FAM107A: variants seen among roughly 807,000 people sequenced by gnomAD.
The protein encoded by FAM107A is actin-associated protein FAM107A.
Under a neutral mutation model 13.7 loss-of-function variants are expected in FAM107A, and 19 were observed. The ratio of observed to expected loss-of-function variants is 1.38; its 90% CI spans 0.97 to 2.03. The LOEUF (loss-of-function observed/expected upper bound fraction) is 2.03, where lower values mean the gene tolerates loss of function less well. Among genes scored for constraint, FAM107A ranks in the 30% most tolerant of loss-of-function variants. The pLI, the probability that FAM107A is intolerant of heterozygous loss-of-function variation, is 0.00. For missense variants in FAM107A, 203 were observed against 184.4 expected, an observed-to-expected ratio of 1.10 and a Z score of -0.58; for synonymous variants, 82 against 74.5, an observed-to-expected ratio of 1.10 and a Z score of -0.52.
upstream of FAM107A, among the ~76,000 whole-genome samples, chr3:58,590,886 G>T (rs1439010438): frequency 1.3e-5 from 2 of 152,188 alleles, no homozygotes; most frequent in South Asian, 4.1e-4. Context: ...AGCTTTTAAA[G>T]CGTAACTCAG....
In FAM107A at chr3:58,566,379, G is replaced by C. The variant is rs940464331; in HGVS notation, c.*209C>G. On this transcript the variant is annotated 3_prime_UTR_variant, in exon 4 of 4. Transcript: ENST00000360997. The stretch of plus-strand genomic sequence containing the variant: ...GCAGGTTATCCCTCTTGGAGCAGGA[G>C]GGCTGGGTGCTTGGAAGGAAAACCT... The C allele has an allele frequency of 1.8e-5, 10 of 562,706 alleles. No homozygotes were observed. The highest frequency in any genetic ancestry group is 4.6e-4 in the Middle Eastern group (1 of 2,170). 34.9% of individuals were successfully genotyped at this position (562,706 alleles called of 1,614,324 possible).
At chr3:58,616,099 A>G (rs1431251177) in intron 1 of FAM107A, among the ~76,000 whole-genome samples, 1 of 152,068 alleles carries the variant, frequency 6.6e-6, no homozygotes, top group East Asian at 1.9e-4. Flanking sequence ...ACGATCAGCC[A>G]GGGCCTGTGG....
chr3:58,566,643 A>C lies in FAM107A; in HGVS notation c.380T>G (p.Val127Gly). ...GGCAATTCTCCGCAGGTTTTCCCTG[A>C]CTTTAATAAACTCGGGGGCGTGATC... Reference protein sequence around the residue: ...EEDHAPEFIKVRENLRRIATL... With the variant: ...EEDHAPEFIKGRENLRRIATL... Residue 127 changes from valine to glycine, a missense_variant, in exon 4 of 4, where the codon GTC (valine) becomes GGC (glycine). By Grantham distance (109) the Val-to-Gly change is moderately radical (BLOSUM62 -3). Transcript: ENST00000360997. 6.2e-7 allele frequency: 1 copy of C among 1,614,026 alleles called. No homozygotes were observed. The highest frequency in any genetic ancestry group is 8.5e-7 in the Non-Finnish European group (1 of 1,179,982).
chr3:58,599,245 A>G (rs1021044910), intron 1 of FAM107A, among the ~76,000 whole-genome samples: 7 of 152,062 alleles, frequency 4.6e-5, no homozygotes, highest in African/African-American at 7.3e-5. Context: ...CCTAGCCTCA[A>G]TTTTTCACTA....
In FAM107A at chr3:58,566,352, G is replaced by T. The variant is rs2063620812; in HGVS notation, c.*236C>A. The T allele has an allele frequency of 3.9e-6, 2 of 510,014 alleles. No individual in the cohort carries two copies. Among genetic ancestry groups the T allele is most frequent in the East Asian group, 3.1e-5 (1 of 31,962 alleles). The allele number at this position is 510,014 out of a possible 1,614,324, so 31.6% of individuals were successfully genotyped here. ...GGCTCTGAACCCCTTGCAGGGAGGG[G>T]TGCAGGTTATCCCTCTTGGAGCAGG... On this transcript the variant is annotated 3_prime_UTR_variant, in exon 4 of 4. Transcript: ENST00000360997.
upstream of FAM107A, among the ~76,000 whole-genome samples, chr3:58,580,744 T>C (rs1302458940): frequency 6.6e-6 from 1 of 152,086 alleles, no homozygotes; most frequent in Non-Finnish European, 1.5e-5. Flanking sequence ...TGGGGGCTCA[T>C]TTATATTAAA....
At chr3:58,602,129 G>A (rs557625122) in intron 1 of FAM107A, among the ~76,000 whole-genome samples, 3 of 152,288 alleles carry the variant, frequency 2.0e-5, no homozygotes, top group African/African-American at 7.2e-5. Flanking sequence ...GGGGAAGAGA[G>A]AAGACACCCA....
chr3:58,623,435 G>T (rs2065977922), intron 1 of FAM107A, among the ~76,000 whole-genome samples: 1 of 152,202 alleles, frequency 6.6e-6, no homozygotes, highest in South Asian at 2.1e-4. Flanking sequence ...CCCTGCAGAA[G>T]CTCCACCTGC....
At position 58,569,936 on chromosome 3, in the gene FAM107A, G is replaced by T; in HGVS notation, c.-5-71C>A. 1 of 1,472,774 alleles carries T rather than the reference G, an allele frequency of 6.8e-7. No individual in the cohort carries two copies. The highest frequency in any genetic ancestry group is 9.2e-7 in the Non-Finnish European group (1 of 1,091,858). The allele number at this position is 1,472,774 out of a possible 1,614,324, so 91.2% of individuals were successfully genotyped here. A position where few individuals can be genotyped will look rare whatever the true frequency, so the allele number is the denominator to read the frequency against. ...TCACCCTGCCCCATGGGACACAGTT[G>T]AAGGGCAAGGTTTTCATGTCAGATG... On this transcript the variant is annotated intron_variant, in intron 1 of 3. Transcript: ENST00000360997. The surrounding 1 kb of genome is among the most constrained non-coding windows in gnomAD (Gnocchi z 5.7).
intron 1 of FAM107A, chr3:58,627,096 G>A (rs1380166395): frequency 3.4e-6 from 4 of 1,171,026 alleles, no homozygotes; most frequent in Non-Finnish European, 4.9e-6. Flanking sequence ...GGCTCCCGGG[G>A]CGAGGGCCCC....
At chr3:58,603,881 G>A (rs561158627) in intron 1 of FAM107A, among the ~76,000 whole-genome samples, 1 of 152,346 alleles carries the variant, frequency 6.6e-6, no homozygotes, top group African/African-American at 2.4e-5. Flanking sequence ...GGGGCTCACA[G>A]AGGTTAAGTA....
At chr3:58,585,367 T>A (rs2065594241) in intron 1 of FAM107A, among the ~76,000 whole-genome samples, 1 of 152,244 alleles carries the variant, frequency 6.6e-6, no homozygotes, top group South Asian at 2.1e-4. Context: ...CTGTCCCGCC[T>A]CAGCAAGATT....
chr3:58,594,777 A>G (rs2065684381), intron 1 of FAM107A, among the ~76,000 whole-genome samples: 2 of 152,222 alleles, frequency 1.3e-5, no homozygotes. Context: ...ATATTTTCAA[A>G]TGAAGAGTGT....
chr3:58,603,563 G>T (rs1453153592), intron 1 of FAM107A, among the ~76,000 whole-genome samples: 2 of 152,132 alleles, frequency 1.3e-5, no homozygotes, highest in African/African-American at 2.4e-5. Flanking sequence ...AGCCTCAGGG[G>T]GATGCCGTGG....
In FAM107A at chr3:58,617,090, ATCGT is replaced by A. The variant is rs534925146; in HGVS notation, c.-70+10322_-70+10325del. On this transcript the variant is annotated intron_variant, in intron 1 of 3. Transcript: ENST00000465970. The surrounding 1 kb of genome is among the most constrained non-coding windows in gnomAD (Gnocchi z 4.5). ...CCTGGCCTCGGCTACCCAGTTTCTG[ATCGT>A]TTGTTATGGCCGCCCCAGGAAACTC... Among the ~76,000 whole-genome samples, 158 of 152,132 alleles carry A rather than the reference ATCGT, an allele frequency of 1.0e-3. 1 individual carries two copies. The highest frequency in any genetic ancestry group is 3.4e-3 in the Middle Eastern group (1 of 294).
At position 58,613,325 on chromosome 3, in the gene FAM107A, T is replaced by C. The variant is rs1432174979; in HGVS notation, c.-70+14091A>G. Among the ~76,000 whole-genome samples the C allele has an allele frequency of 3.3e-5, 5 of 152,110 alleles. No individual in the cohort carries two copies. Among genetic ancestry groups the C allele is most frequent in the Non-Finnish European group, 7.4e-5 (5 of 68,006 alleles). On this transcript the variant is annotated intron_variant, in intron 1 of 3. Transcript: ENST00000465970. This position sits in a 1 kb window ranked among gnomAD's most constrained non-coding sequence, Gnocchi z 4.6. ...TGGGGAGCAGGAGTCAAACTGTGGG[T>C]TGTCTGACTTCACTGCCCAGGCTTC...
chr3:58,619,862 T>C (rs537988128), intron 1 of FAM107A, among the ~76,000 whole-genome samples: 1 of 152,272 alleles, frequency 6.6e-6, no homozygotes, highest in South Asian at 2.1e-4. Context: ...AATGTGTGTA[T>C]GTGTGTGTGG....
chr3:58,596,371 T>G (rs1373003496), intron 1 of FAM107A, among the ~76,000 whole-genome samples: 1 of 152,168 alleles, frequency 6.6e-6, no homozygotes, highest in Admixed American at 6.5e-5. Context: ...TTATTTGTTT[T>G]TAAACATTTA....
At chr3:58,625,869 C>T (rs975195507) in intron 1 of FAM107A, among the ~76,000 whole-genome samples, 3 of 152,224 alleles carry the variant, frequency 2.0e-5, no homozygotes, top group African/African-American at 7.2e-5. Context: ...ATTACTTCTT[C>T]CTTGAGTTTC....
Sources: allele counts gnomAD v4.1 joint callset (sites outside exome capture counted in the v4.1 genomes callset), GRCh38; gene constraint gnomAD v4.1.1; non-coding constraint Gnocchi (gnomAD v3.1); transcripts MANE v1.5; gene names NCBI Gene and HGNC (gene_info 2026-07-23, HGNC 2026-07-21).